Variants in RTL1 observed in about 807,000 individuals in gnomAD.
RTL1 encodes the protein retrotransposon Gag like 1.
For synonymous variants in RTL1, 727 were observed against 748.4 expected (o/e 0.97, Z 0.47); for missense variants, 1,681 against 1,767.5 (o/e 0.95, Z 0.88).
At chr14:100,903,530 C>T (rs1467017200) in intron 1 of RTL1, among the ~76,000 whole-genome samples, 75 bp downstream of exon 1, 1 of 152,156 alleles carries the variant, frequency 6.6e-6, no homozygotes, top group Non-Finnish European at 1.5e-5. Flanking sequence ...GGCAATAACC[C>T]TGCACACTGG....
At chr14:100,888,177 G>A (rs888764884) in intron 3 of RTL1, among the ~76,000 whole-genome samples, 5 of 152,018 alleles carry the variant, frequency 3.3e-5, no homozygotes, top group African/African-American at 9.7e-5. Flanking sequence ...TCCAAACACA[G>A]CACTTGAATG....
In RTL1 at chr14:100,883,970, G is replaced by C. The variant is rs1459304389; in HGVS notation, c.819C>G (p.Ala273=). ...GGCGGTACTCAAACACTTCGGACAT[G>C]GCCTCCAGGAAGGCTGGGAAGTCTC... is the stretch of plus-strand genomic sequence containing the variant. ...LIGDFPAFLE[A]MSEVFEYRQA... The change falls in exon 4 of 4, where the codon GCC becomes GCG. Residue 273 remains alanine, a synonymous_variant. Coordinates refer to ENST00000649591, the MANE Select transcript of RTL1 (RefSeq NM_001134888.3). The surrounding 1 kb of genome is among the most constrained non-coding windows in gnomAD (Gnocchi z 5.9). The C allele has an allele frequency of 6.4e-7, 1 of 1,551,544 alleles. No individual in the cohort carries two copies. Among genetic ancestry groups the C allele is most frequent in the East Asian group, 2.4e-5 (1 of 40,918 alleles).
In RTL1 at chr14:100,883,085, C is replaced by T. The variant is rs778892832; in HGVS notation, c.1704G>A (p.Pro568=). The stretch of plus-strand genomic sequence containing the variant: ...CGGAAGTCTCATCATCTGCTTCCTT[C>T]GGGTTAAACACGTCGGCCAGGTCTG... The part of the protein sequence containing the change: ...PYSDLADVFN[P]KEADDETSDQ... Residue 568 remains proline, a synonymous_variant, in exon 4 of 4, where the codon CCG becomes CCA. Transcript: ENST00000649591. This position sits in a 1 kb window ranked among gnomAD's most constrained non-coding sequence, Gnocchi z 5.9. 5.0e-6 allele frequency: 8 copies of T among 1,613,948 alleles called. No homozygotes were observed. Among genetic ancestry groups the T allele is most frequent in the South Asian group, 3.3e-5 (3 of 91,004 alleles).
intron 2 of RTL1, among the ~76,000 whole-genome samples, chr14:100,896,161 G>T (rs192490200): frequency 1.0e-3 from 153 of 152,206 alleles, no homozygotes; most frequent in African/African-American, 3.5e-3. Flanking sequence ...CTAAAATGCT[G>T]TGTAATAAAT....
chr14:100,884,657 C>T lies in RTL1; in HGVS notation c.132G>A (p.Glu44=), dbSNP rs749184774. The T allele has an allele frequency of 3.1e-6, 5 of 1,613,570 alleles. No individual in the cohort carries two copies. The highest frequency in any genetic ancestry group is 4.2e-6 in the Non-Finnish European group (5 of 1,179,950). The change falls in exon 4 of 4, where the codon GAG becomes GAA. Residue 44 remains glutamate (E), a synonymous_variant. Transcript: ENST00000649591. ...GGGCTGGGCCGCTGGCTGGCCCTGC[C>T]TCTCCCCGCACTCCACTGCCCGACG... is the stretch of plus-strand genomic sequence containing the variant. ...EATSGSGVRG[E]AGPASGPAQE... is the part of the protein sequence containing the mutation.
chr14:100,890,178 A>G (rs775597969), intron 3 of RTL1, among the ~76,000 whole-genome samples: 14 of 151,086 alleles, frequency 9.3e-5, no homozygotes, highest in Non-Finnish European at 1.9e-4. Flanking sequence ...CCAACACTCA[A>G]GAGACAGACG....
chr14:100,884,676 C>T lies in RTL1; in HGVS notation c.113G>A (p.Gly38Asp). Residue 38 changes from glycine (G) to aspartate (D), a missense_variant, in exon 4 of 4, where the codon GGC becomes GAC. Physicochemically the swap from Gly to Asp is moderately conservative, Grantham distance 94. Transcript: ENST00000649591. ...GSSNTTEATS[G>D]SGVRGEAGPA... ...CCCTGCCTCTCCCCGCACTCCACTG[C>T]CCGACGTCGCCTCGGTGGTGTTGGA... 6.2e-7 allele frequency: 1 copy of T among 1,613,748 alleles called. No homozygotes were observed. Among genetic ancestry groups the T allele is most frequent in the African/African-American group, 1.3e-5 (1 of 75,060 alleles).
chr14:100,880,835 C>T lies in RTL1; in HGVS notation c.3954G>A (p.Leu1318=), dbSNP rs1415145373. The change falls in exon 4 of 4, where the codon CTG becomes CTA. Residue 1318 remains leucine, a synonymous_variant. Transcript: ENST00000649591. ...LLSREQAARA[L]SQFLTLIYRR... is the part of the protein sequence containing the mutation. ...TGTAGATCAGGGTCAGGAACTGGCT[C>T]AGGGCCCTGGCTGCCTGCTCCCGGC... is the stretch of plus-strand genomic sequence containing the variant. 5.2e-6 allele frequency: 8 copies of T among 1,550,448 alleles called. No individual in the cohort carries two copies. The African/African-American group carries it at 5.5e-5, about 11-fold the overall frequency.
chr14:100,902,979 T>C (rs2038963257), intron 2 of RTL1, among the ~76,000 whole-genome samples: 1 of 152,278 alleles, frequency 6.6e-6, no homozygotes, highest in African/African-American at 2.4e-5. Context: ...CTCTGCTGGC[T>C]TAATCGCACA....
Position 100,882,431 on chromosome 14 carries a change from C to T in RTL1, c.2358G>A (p.Gly786=). 3 of 1,552,034 alleles carry T rather than the reference C, an allele frequency of 1.9e-6. No individual in the cohort carries two copies. In the South Asian group the frequency reaches 3.6e-5, roughly 18 times the overall value. Residue 786 remains glycine (G), a synonymous_variant, in exon 4 of 4, where the codon GGG becomes GGA. Transcript: ENST00000649591. ...TCATGACGTTCTTGTTCAGTTTCAC[C>T]CCTTTGGGGGTGACGACGAAGCCCA... ...EFLGFVVTPK[G]VKLNKNVMTI...
At chr14:100,895,963 C>T (rs757889626) in intron 2 of RTL1, among the ~76,000 whole-genome samples, 32 of 151,814 alleles carry the variant, frequency 2.1e-4, no homozygotes, top group Non-Finnish European at 4.1e-4. Flanking sequence ...GTTCCAGCTA[C>T]TCAGGAGACT....
intron 3 of RTL1, among the ~76,000 whole-genome samples, 179 bp from the exon 4 acceptor site, chr14:100,885,053 A>G (rs2038679501): frequency 6.6e-6 from 1 of 152,202 alleles, no homozygotes; most frequent in Non-Finnish European, 1.5e-5. Context: ...GCCCCCAGGG[A>G]GGGAAGATCT....
intron 3 of RTL1, among the ~76,000 whole-genome samples, chr14:100,890,309 G>T (rs865790394): frequency 1.3e-5 from 2 of 152,036 alleles, no homozygotes; most frequent in South Asian, 4.2e-4. Context: ...TTGGGTGTGG[G>T]GGGGGCCATG....
In RTL1 at chr14:100,884,208, C is replaced by T; in HGVS notation, c.581G>A (p.Gly194Glu). The change falls in exon 4 of 4, where the codon GGG becomes GAG. Residue 194 changes from glycine (G) to glutamate (E), a missense_variant. Coordinates refer to ENST00000649591, the MANE Select transcript of RTL1 (RefSeq NM_001134888.3). ...QRVAEEILIK[G>E]INAGQLPAPK... ...GGCGGGCAGTTGGCCTGCATTGATC[C>T]CTTTGATCAAGATCTCTTCTGCTAC... The T allele has an allele frequency of 4.5e-6, 7 of 1,551,724 alleles. No homozygotes were observed. Among genetic ancestry groups the T allele is most frequent in the Non-Finnish European group, 6.1e-6 (7 of 1,146,984 alleles).
At chr14:100,887,948 T>C (rs1473629792) in intron 3 of RTL1, among the ~76,000 whole-genome samples, 1 of 152,166 alleles carries the variant, frequency 6.6e-6, no homozygotes, top group East Asian at 1.9e-4. Context: ...CTGGGTGCCC[T>C]TGTGCCCAGG....
chr14:100,889,121 C>T (rs2038733469), intron 3 of RTL1, among the ~76,000 whole-genome samples: 1 of 152,230 alleles, frequency 6.6e-6, no homozygotes, highest in Non-Finnish European at 1.5e-5. Flanking sequence ...AACTCCTTAG[C>T]ATGATATAAA....
rs1429048034 is a variant in RTL1, at chr14:100,883,369, G to T, written c.1420C>A (p.Leu474Ile). The T allele has an allele frequency of 6.4e-7, 1 of 1,550,940 alleles. No homozygotes were observed. The change falls in exon 4 of 4, where the codon CTC becomes ATC. Residue 474 changes from leucine to isoleucine, a missense_variant. Physicochemically the swap from Leu to Ile is conservative, Grantham distance 5. Coordinates refer to ENST00000649591, the MANE Select transcript of RTL1 (RefSeq NM_001134888.3). This position sits in a 1 kb window ranked among gnomAD's most constrained non-coding sequence, Gnocchi z 5.9. ...ATACACACCAGGGGCTCCGTGTAGA[G>T]CCAGACAGGCTCGTTGCCAATCAGC... ...GSLIGNEPVW[L>I]YTEPLVCIHQ...
Position 100,880,557 on chromosome 14 carries a change from G to A in RTL1, c.*155C>T. 7.1e-7 allele frequency: 1 copy of A among 1,402,094 alleles called. No individual in the cohort carries two copies. 86.9% of individuals were successfully genotyped at this position (1,402,094 alleles called of 1,614,324 possible). A position where few individuals can be genotyped will look rare whatever the true frequency, so the allele number is the denominator to read the frequency against. On this transcript the variant is annotated 3_prime_UTR_variant, in exon 4 of 4. Transcript: ENST00000649591. ...AGGTGGCATTGCTGGTTGATGAGTT[G>A]AAGAAGTTGTTGCCCTTCACAAGTG... is the stretch of plus-strand genomic sequence containing the variant.
At chr14:100,885,524 T>G (rs201716957) in intron 3 of RTL1, among the ~76,000 whole-genome samples, 6 of 49,952 alleles carry the variant, frequency 1.2e-4, no homozygotes, top group Admixed American at 3.3e-4. Context: ...CAGGTCTGGG[T>G]TTTTTTTTTT....
Sources: allele counts gnomAD v4.1 joint callset (sites outside exome capture counted in the v4.1 genomes callset), GRCh38; gene constraint gnomAD v4.1.1; non-coding constraint Gnocchi (gnomAD v3.1); transcripts MANE v1.5; gene names NCBI Gene and HGNC (gene_info 2026-07-23, HGNC 2026-07-21).